Variants in KATNIP observed in about 807,000 individuals in gnomAD.
The protein encoded by KATNIP is katanin-interacting protein.
A neutral mutation model predicts 174.0 loss-of-function variants in KATNIP; 126 were observed. That is an observed-to-expected ratio of 0.72 (90% CI 0.63 to 0.84). The LOEUF (loss-of-function observed/expected upper bound fraction) is 0.84, where lower values mean the gene tolerates loss of function less well. KATNIP is among the 40% of genes least tolerant of loss of function. KATNIP has a pLI of 0.00. For synonymous variants in KATNIP, 810 were observed against 835.7 expected (o/e 0.97, Z 0.53); for missense variants, 1,958 against 2,109.7 (o/e 0.93, Z 1.41).
intron 1 of KATNIP, among the ~76,000 whole-genome samples, chr16:27,568,832 T>C (rs1859551296): frequency 6.6e-6 from 1 of 152,072 alleles, no homozygotes; most frequent in South Asian, 2.1e-4. Flanking sequence ...TACCTGCAGA[T>C]TTCTACTGAG....
intron 2 of KATNIP, among the ~76,000 whole-genome samples, chr16:27,601,315 T>A (rs564747730): frequency 6.6e-6 from 1 of 151,378 alleles, no homozygotes; most frequent in East Asian, 1.9e-4. Context: ...TTTCAGAGAG[T>A]GAGAGGTGCT....
chr16:27,707,576 G>T (rs2079371688), intron 12 of KATNIP, among the ~76,000 whole-genome samples: 4 of 152,244 alleles, frequency 2.6e-5, no homozygotes. Context: ...CAGGCCGAGG[G>T]ATGTCAAGTG....
chr16:27,704,030 A>T (rs767126080), intron 12 of KATNIP, 32 bp downstream of exon 12: 1 of 1,551,886 alleles, frequency 6.4e-7, no homozygotes, highest in Non-Finnish European at 8.9e-7. Flanking sequence ...TCAGTTGTAC[A>T]TTCAGGAAGT....
chr16:27,617,208 AACTGAATTGTCTGGATACTTCTTTAGGC>A (rs1224771759), intron 2 of KATNIP, among the ~76,000 whole-genome samples: 1 of 152,212 alleles, frequency 6.6e-6, no homozygotes, highest in Non-Finnish European at 1.5e-5. Context: ...CTAAGGCATT[AACTGAATTGTCTGGATACTTCTTTAGGC>A]ATAGGTGAAT....
intron 2 of KATNIP, among the ~76,000 whole-genome samples, chr16:27,602,153 C>T (rs916543322): frequency 6.6e-6 from 1 of 152,180 alleles, no homozygotes; most frequent in African/African-American, 2.4e-5. Context: ...GAGCCCCCTC[C>T]TGGGCTGTCC....
chr16:27,583,206 A>G (rs1216983671), intron 2 of KATNIP, among the ~76,000 whole-genome samples: 1 of 152,146 alleles, frequency 6.6e-6, no homozygotes, highest in East Asian at 1.9e-4. Context: ...ACAAGATTAA[A>G]CTCTAGGAAA....
At chr16:27,607,119 G>A (rs1354617696) in intron 2 of KATNIP, among the ~76,000 whole-genome samples, 1 of 152,090 alleles carries the variant, frequency 6.6e-6, no homozygotes, top group Non-Finnish European at 1.5e-5. Flanking sequence ...GAATGCACTG[G>A]CCGGGCCTGC....
intron 2 of KATNIP, among the ~76,000 whole-genome samples, chr16:27,601,433 A>G (rs999075165): frequency 4.6e-5 from 7 of 151,984 alleles, no homozygotes; most frequent in South Asian, 2.1e-4. Context: ...CATTGCAGGC[A>G]GGGGGAACAA....
At chr16:27,703,194 G>A (rs72788556) in intron 11 of KATNIP, among the ~76,000 whole-genome samples, 5 of 151,942 alleles carry the variant, frequency 3.3e-5, no homozygotes, top group Non-Finnish European at 7.4e-5. Flanking sequence ...AGAAAGAAAA[G>A]GCTGGGCCAT....
chr16:27,667,838 CT>C (rs1418236540), intron 6 of KATNIP, among the ~76,000 whole-genome samples: 1 of 152,166 alleles, frequency 6.6e-6, no homozygotes, highest in Non-Finnish European at 1.5e-5. Flanking sequence ...GTTTTGACCC[CT>C]CAGCAGCCTT....
rs111421031 is a variant in KATNIP, at chr16:27,754,017, A to G, written c.3553-156A>G. Among the ~76,000 whole-genome samples the G allele has an allele frequency of 3.3e-3, 498 of 152,298 alleles. 2 individuals carry two copies. The highest frequency in any genetic ancestry group is 0.011 in the African/African-American group (462 of 41,554). On this transcript the variant is annotated intron_variant, in intron 17 of 27. Transcript: ENST00000261588. ...AGGGTCCGCCCATATCACTGGTCCCATAGCTTCCACAAAGGCAGAAAAATC... is the reference window on the plus strand; with the variant it reads ...AGGGTCCGCCCATATCACTGGTCCCGTAGCTTCCACAAAGGCAGAAAAATC...
chr16:27,776,921 C>G lies in KATNIP; in HGVS notation c.4450-7C>G. On this transcript the variant is annotated splice_polypyrimidine_tract_variant and splice_region_variant and intron_variant, in intron 24 of 27. Transcript: ENST00000261588. This position sits in a 1 kb window ranked among gnomAD's most constrained non-coding sequence, Gnocchi z 4.7. ...TGCCTGTTTTAATTAGTGCCGCTCTCTGACAGGTGAACCGGGTTTATGTGA... is the reference window on the plus strand; with the variant it reads ...TGCCTGTTTTAATTAGTGCCGCTCTGTGACAGGTGAACCGGGTTTATGTGA... 1.9e-6 allele frequency: 3 copies of G among 1,599,398 alleles called. No individual in the cohort carries two copies. Among genetic ancestry groups the G allele is most frequent in the Non-Finnish European group, 2.6e-6 (3 of 1,166,754 alleles).
intron 1 of KATNIP, among the ~76,000 whole-genome samples, chr16:27,550,878 G>C (rs1470921590): frequency 1.3e-5 from 2 of 152,194 alleles, no homozygotes; most frequent in African/African-American, 4.8e-5. Flanking sequence ...GATTTGGACC[G>C]GTTTTGAGGG....
At chr16:27,623,522 T>C (rs1204706140) in intron 3 of KATNIP, among the ~76,000 whole-genome samples, 1 of 152,138 alleles carries the variant, frequency 6.6e-6, no homozygotes, top group Non-Finnish European at 1.5e-5. Flanking sequence ...TGCATTGGTG[T>C]GATCATAGCT....
At chr16:27,682,781 T>C (rs572860637) in intron 8 of KATNIP, among the ~76,000 whole-genome samples, 39 of 152,114 alleles carry the variant, frequency 2.6e-4, no homozygotes, top group African/African-American at 8.7e-4. Context: ...TACTGAGAGG[T>C]GGGCCCTTTA....
chr16:27,609,973 A>G (rs910622298), intron 2 of KATNIP, among the ~76,000 whole-genome samples: 3 of 152,280 alleles, frequency 2.0e-5, no homozygotes, highest in Middle Eastern at 3.4e-3. Context: ...CATGGAAGGA[A>G]TGGGGCCTGA....
rs186530230 is a variant in KATNIP at position 27,762,175 on chromosome 16, A to G, written c.3809+585A>G. On this transcript the variant is annotated intron_variant, in intron 19 of 27. Transcript: ENST00000261588. ...CCAGCACTCAGTTCCCCTGCCCTGC[A>G]CAGCCAGAGGGTCTGGGCGCTGCTT... is the stretch of plus-strand genomic sequence containing the variant. Among the ~76,000 whole-genome samples the G allele has an allele frequency of 2.5e-3, 388 of 152,324 alleles. 3 individuals carry two copies. The highest frequency in any genetic ancestry group is 8.6e-3 in the African/African-American group (359 of 41,570).
intron 1 of KATNIP, among the ~76,000 whole-genome samples, chr16:27,551,450 C>G (rs549257081): frequency 6.6e-6 from 1 of 152,238 alleles, no homozygotes; most frequent in Non-Finnish European, 1.5e-5. Flanking sequence ...TATAGAACAT[C>G]AGTCCTCAAA....
chr16:27,695,706 G>A (rs1407628123), intron 8 of KATNIP, among the ~76,000 whole-genome samples: 1 of 152,172 alleles, frequency 6.6e-6, no homozygotes, highest in Non-Finnish European at 1.5e-5. Context: ...TTCCCCAAGG[G>A]TTGAGATTCA....
Sources: allele counts gnomAD v4.1 joint callset (sites outside exome capture counted in the v4.1 genomes callset), GRCh38; gene constraint gnomAD v4.1.1; non-coding constraint Gnocchi (gnomAD v3.1); transcripts MANE v1.5; gene names NCBI Gene and HGNC (gene_info 2026-07-23, HGNC 2026-07-21).